Variants in RCC1 observed in about 807,000 individuals in gnomAD.
RCC1 encodes the protein regulator of chromosome condensation 1.
In RCC1, 11 loss-of-function variants were observed where a neutral mutation model predicts 44.4. The observed-to-expected ratio is 0.25, with a 90% CI of 0.16 to 0.41. The LOEUF is 0.41. Ranked by LOEUF, RCC1 falls within the 10% of genes least tolerant of loss-of-function variation. The probability of loss-of-function intolerance (pLI) is 1.00; values close to 1 mark genes in which losing one functional copy is unlikely to be tolerated. For missense variants in RCC1, 386 were observed against 547.1 expected, an observed-to-expected ratio of 0.71 and a Z score of 2.94; for synonymous variants, 213 against 216.5, an observed-to-expected ratio of 0.98 and a Z score of 0.14.
chr1:28,526,286 C>CA (rs1475816013), intron 4 of RCC1: 3 of 242,962 alleles, frequency 1.2e-5, no homozygotes, highest in African/African-American at 6.8e-5. Context: ...GATGCTGTCT[C>CA]AAAAAAACAA....
intron 4 of RCC1, among the ~76,000 whole-genome samples, chr1:28,529,061 G>A (rs1251272315): frequency 7.0e-6 from 1 of 141,924 alleles, no homozygotes. Flanking sequence ...TTTTGGTGGC[G>A]ACGGGGTTTC....
chr1:28,509,008 C>G (rs769507124), intron 3 of RCC1, 103 bp downstream of exon 3: 1 of 421,272 alleles, frequency 2.4e-6, no homozygotes, highest in Admixed American at 2.9e-5. Flanking sequence ...GAGTCTTGCT[C>G]TGTCGCCCAG....
intron 5 of RCC1, chr1:28,530,425 C>T (rs1419315556): frequency 2.4e-5 from 27 of 1,133,872 alleles, no homozygotes; most frequent in Non-Finnish European, 3.1e-5. Context: ...TTTCCTCTGT[C>T]CTGGGACCCC....
At chr1:28,511,149 G>A (rs1662508337) in intron 3 of RCC1, among the ~76,000 whole-genome samples, 1 of 152,140 alleles carries the variant, frequency 6.6e-6, no homozygotes, top group Admixed American at 6.6e-5. Context: ...ACTAGACTGG[G>A]TTTGAATCCT....
intron 3 of RCC1, among the ~76,000 whole-genome samples, chr1:28,514,656 G>T (rs1662778770): frequency 6.6e-6 from 1 of 151,946 alleles, no homozygotes; most frequent in Non-Finnish European, 1.5e-5. Flanking sequence ...AGCAACTCGG[G>T]ATGCTGAGGC....
chr1:28,536,134 G>C lies in RCC1; in HGVS notation c.817+108G>C, dbSNP rs996076241. On this transcript the variant is annotated intron_variant, in intron 10 of 12. Coordinates refer to ENST00000683442, the MANE Select transcript of RCC1 (RefSeq NM_001381865.2). This position sits in a 1 kb window ranked among gnomAD's most constrained non-coding sequence, Gnocchi z 4.9. The stretch of plus-strand genomic sequence containing the variant: ...TTGCGGGGTCGTCTAACCCCTCCAA[G>C]CCAGTTTTGTCATCTGTAAAGTGAG... The C allele has an allele frequency of 6.5e-7, 1 of 1,540,266 alleles. No homozygotes were observed. Among genetic ancestry groups the C allele is most frequent in the Non-Finnish European group, 8.8e-7 (1 of 1,141,102 alleles).
At position 28,535,120 on chromosome 1, in the gene RCC1, A is replaced by T; in HGVS notation, c.512A>T (p.Asp171Val). ...ATGGTGCCTGTGCAGGTGCAGCTGGATGTGCCTGTGGTAAAGGTGGCCTCA... is the reference window on the plus strand; with the variant it reads ...ATGGTGCCTGTGCAGGTGCAGCTGGTTGTGCCTGTGGTAAAGGTGGCCTCA... ...KSMVPVQVQL[D>V]VPVVKVASGN... is the part of the protein sequence containing the mutation. The change falls in exon 8 of 13, where the codon GAT becomes GTT. Residue 171 changes from aspartate to valine, a missense_variant. Transcript: ENST00000683442. The T allele has an allele frequency of 1.2e-6, 2 of 1,614,124 alleles. No homozygotes were observed. Among genetic ancestry groups the T allele is most frequent in the Non-Finnish European group, 1.7e-6 (2 of 1,179,964 alleles).
At chr1:28,520,081 C>T (rs562372751) in intron 4 of RCC1, among the ~76,000 whole-genome samples, 2 of 152,144 alleles carry the variant, frequency 1.3e-5, no homozygotes, top group African/African-American at 4.8e-5. Flanking sequence ...GGCCCAGGCA[C>T]AGGTTGTATA....
chr1:28,531,079 A>G (rs1445368482), intron 5 of RCC1, among the ~76,000 whole-genome samples: 1 of 152,032 alleles, frequency 6.6e-6, no homozygotes, highest in Non-Finnish European at 1.5e-5. Context: ...AATACAAAAA[A>G]TTAGCCTTGC....
chr1:28,515,004 G>A (rs1183645096), intron 3 of RCC1, among the ~76,000 whole-genome samples: 1 of 152,070 alleles, frequency 6.6e-6, no homozygotes. Flanking sequence ...TCAGCCAGTT[G>A]CGATGGCTCA....
chr1:28,513,906 C>A (rs563843566), intron 3 of RCC1, among the ~76,000 whole-genome samples: 5 of 151,962 alleles, frequency 3.3e-5, no homozygotes, highest in Non-Finnish European at 2.9e-5. Flanking sequence ...TTTTAACTTA[C>A]AATAGTCCAC....
intron 4 of RCC1, among the ~76,000 whole-genome samples, chr1:28,527,902 C>G (rs561962323): frequency 1.3e-4 from 20 of 150,950 alleles, no homozygotes; most frequent in Non-Finnish European, 2.7e-4. Flanking sequence ...CTAGCTACTC[C>G]AGAGGCTGAG....
At chr1:28,511,620 C>G (rs1156869997) in intron 3 of RCC1, among the ~76,000 whole-genome samples, 2 of 151,770 alleles carry the variant, frequency 1.3e-5, no homozygotes, top group Non-Finnish European at 2.9e-5. Context: ...CCGCCCACCT[C>G]GGCCTCCCAA....
intron 5 of RCC1, among the ~76,000 whole-genome samples, chr1:28,531,303 C>T (rs1259649537): frequency 3.1e-5 from 4 of 129,966 alleles, no homozygotes; most frequent in African/African-American, 9.0e-5. Flanking sequence ...ATCACTCTGT[C>T]GCCCAGACTG....
At chr1:28,528,136 A>C (rs144741443) in intron 4 of RCC1, among the ~76,000 whole-genome samples, 1 of 151,508 alleles carries the variant, frequency 6.6e-6, no homozygotes, top group African/African-American at 2.4e-5. Context: ...CCTGGCCAAC[A>C]TGGTGAAACC....
intron 4 of RCC1, among the ~76,000 whole-genome samples, chr1:28,521,708 C>T (rs979404714): frequency 1.6e-4 from 24 of 152,146 alleles, no homozygotes; most frequent in African/African-American, 5.3e-4. Flanking sequence ...CACCACCCAC[C>T]CCACCTTCCC....
chr1:28,527,541 T>TA (rs977082432), intron 4 of RCC1, among the ~76,000 whole-genome samples: 26 of 151,952 alleles, frequency 1.7e-4, no homozygotes, highest in African/African-American at 2.4e-4. Flanking sequence ...ACCTTGTCTC[T>TA]AAAAAAAATC....
chr1:28,533,275 T>C (rs1307192279), intron 7 of RCC1, among the ~76,000 whole-genome samples: 1 of 149,934 alleles, frequency 6.7e-6, no homozygotes, highest in African/African-American at 2.5e-5. Flanking sequence ...ATCGAGACCA[T>C]ACTGGCTAAC....
At chr1:28,510,357 G>A (rs1429090771) in intron 3 of RCC1, 1 of 152,242 alleles carries the variant, frequency 6.6e-6, no homozygotes, top group Non-Finnish European at 1.5e-5. Flanking sequence ...GTTAAATGCA[G>A]CCAGGCTTGG....
Sources: allele counts gnomAD v4.1 joint callset (sites outside exome capture counted in the v4.1 genomes callset), GRCh38; gene constraint gnomAD v4.1.1; non-coding constraint Gnocchi (gnomAD v3.1); transcripts MANE v1.5; gene names NCBI Gene and HGNC (gene_info 2026-07-23, HGNC 2026-07-21).